CHRNA7: variants seen among roughly 807,000 people sequenced by gnomAD.
CHRNA7 encodes cholinergic receptor nicotinic alpha 7 subunit.
CHRNA7 carries 17 observed loss-of-function variants against 48.0 expected under a neutral mutation model. That is an observed-to-expected ratio of 0.35 (90% CI 0.24 to 0.53). The LOEUF is 0.53. CHRNA7 is among the 20% of genes least tolerant of loss of function. The probability of loss-of-function intolerance (pLI) is 0.92; values close to 1 mark genes in which losing one functional copy is unlikely to be tolerated. For synonymous variants in CHRNA7, 75 were observed against 242.3 expected (o/e 0.31, Z 6.41); for missense variants, 155 against 577.7 (o/e 0.27, Z 7.50).
At chr15:32,125,240 G>A (rs1566857691) in intron 4 of CHRNA7, among the ~76,000 whole-genome samples, 1 of 152,198 alleles carries the variant, frequency 6.6e-6, no homozygotes, top group East Asian at 1.9e-4. Context: ...GAAGTGAAAT[G>A]GAAAGAACAG....
intron 2 of CHRNA7, among the ~76,000 whole-genome samples, chr15:32,076,881 A>G (rs2050143699): frequency 6.6e-6 from 1 of 152,166 alleles, no homozygotes; most frequent in Non-Finnish European, 1.5e-5. Flanking sequence ...CCATTATAAT[A>G]TCATTCAGAA....
rs750840752 is a variant in CHRNA7, at chr15:32,030,575, C to T, written c.-20C>T. 11 of 1,498,912 alleles carry T rather than the reference C, an allele frequency of 7.3e-6. No homozygotes were observed. The highest frequency in any genetic ancestry group is 1.3e-5 in the South Asian group (1 of 79,826). The allele number at this position is 1,498,912 out of a possible 1,614,324, so 92.9% of individuals were successfully genotyped here. On this transcript the variant is annotated 5_prime_UTR_variant, in exon 1 of 10. Coordinates refer to ENST00000306901, the MANE Select transcript of CHRNA7 (RefSeq NM_000746.6). ...CCGAGACGTGGAGCGCGCCGGCTCG[C>T]TGCAGCTCCGGGACTCAACATGCGC...
At chr15:32,066,250 G>C (rs2049963961) in intron 2 of CHRNA7, among the ~76,000 whole-genome samples, 2 of 152,092 alleles carry the variant, frequency 1.3e-5, no homozygotes, top group Admixed American at 1.3e-4. Context: ...CCTAGGGTTG[G>C]AGGATATACT....
chr15:32,143,427 T>C (rs6494247), intron 4 of CHRNA7, among the ~76,000 whole-genome samples: 50,889 of 152,034 alleles, frequency 0.33, 8,801 homozygotes, highest in South Asian at 0.41. Context: ...TCTGTAGATA[T>C]CTATTAGGTT....
intron 2 of CHRNA7, among the ~76,000 whole-genome samples, chr15:32,085,099 G>T (rs1276428607): frequency 1.3e-5 from 2 of 152,112 alleles, no homozygotes; most frequent in African/African-American, 2.4e-5. Flanking sequence ...AAAGTGCTGG[G>T]ATTACAGGTG....
chr15:32,133,951 T>C (rs2051200133), intron 4 of CHRNA7, among the ~76,000 whole-genome samples: 1 of 152,234 alleles, frequency 6.6e-6, no homozygotes, highest in Non-Finnish European at 1.5e-5. Flanking sequence ...GCCATGAACA[T>C]GCTCTGCAGA....
At chr15:32,073,170 G>A (rs1338883990) in intron 2 of CHRNA7, among the ~76,000 whole-genome samples, 3 of 152,190 alleles carry the variant, frequency 2.0e-5, no homozygotes, top group African/African-American at 7.2e-5. Context: ...CAAGGCCTTG[G>A]GAGCTCACCT....
intron 2 of CHRNA7, among the ~76,000 whole-genome samples, chr15:32,095,822 A>C (rs1483957436): frequency 6.6e-6 from 1 of 152,232 alleles, no homozygotes; most frequent in Non-Finnish European, 1.5e-5. Flanking sequence ...ATTTTCCGTG[A>C]TCGTAATCAC....
At chr15:32,145,475 G>T (rs1377227423) in intron 4 of CHRNA7, among the ~76,000 whole-genome samples, 1 of 152,224 alleles carries the variant, frequency 6.6e-6, no homozygotes, top group Non-Finnish European at 1.5e-5. Context: ...AGATGTTTAA[G>T]TCTGCAGAAG....
At chr15:32,166,058 G>A (rs1488538705) in intron 9 of CHRNA7, 11 of 152,784 alleles carry the variant, frequency 7.2e-5, no homozygotes, top group African/African-American at 2.6e-4. Flanking sequence ...TGCCTTCCCA[G>A]AGGGGTGGGG....
At chr15:32,039,420 C>T (rs2049408331) in intron 2 of CHRNA7, among the ~76,000 whole-genome samples, 1 of 152,078 alleles carries the variant, frequency 6.6e-6, no homozygotes, top group Admixed American at 6.5e-5. Flanking sequence ...CGCTTAAGGA[C>T]TTCTTTTGCT....
intron 2 of CHRNA7, among the ~76,000 whole-genome samples, chr15:32,066,876 A>G (rs190807778): frequency 6.6e-6 from 1 of 152,288 alleles, no homozygotes; most frequent in Non-Finnish European, 1.5e-5. Context: ...TGGAGTTAAA[A>G]ATTCCAATAA....
intron 3 of CHRNA7, among the ~76,000 whole-genome samples, chr15:32,104,134 C>T (rs1257679182): frequency 2.0e-5 from 3 of 152,150 alleles, no homozygotes; most frequent in Non-Finnish European, 4.4e-5. Flanking sequence ...AGCATAGGAA[C>T]TGAAGTCCTC....
At chr15:32,030,677 C>T in intron 1 of CHRNA7, 28 bp downstream of exon 1, 1 of 1,562,974 alleles carries the variant, frequency 6.4e-7, no homozygotes. Context: ...CCGCCCTCCA[C>T]TCCTCCGTGG....
intron 3 of CHRNA7, among the ~76,000 whole-genome samples, chr15:32,110,496 T>C (rs1216769988): frequency 1.3e-5 from 2 of 152,178 alleles, no homozygotes; most frequent in East Asian, 3.9e-4. Flanking sequence ...CTCACCTGGA[T>C]AGTTCCTCTC....
intron 2 of CHRNA7, among the ~76,000 whole-genome samples, chr15:32,045,328 C>T (rs377606918): frequency 5.3e-5 from 8 of 152,026 alleles, no homozygotes; most frequent in African/African-American, 1.5e-4. Flanking sequence ...GATGAGAGAA[C>T]GGAGAACACT....
At chr15:32,144,749 G>A (rs1206285766) in intron 4 of CHRNA7, among the ~76,000 whole-genome samples, 4 of 152,164 alleles carry the variant, frequency 2.6e-5, no homozygotes, top group Admixed American at 1.3e-4. Context: ...TTCTCATGCT[G>A]TGGTTTTCAG....
chr15:32,051,169 C>G (rs552087325), intron 2 of CHRNA7, among the ~76,000 whole-genome samples: 6,831 of 148,190 alleles, frequency 0.046, 262 homozygotes, highest in Non-Finnish European at 0.066. Context: ...AACCACTGCT[C>G]TCCTTAAAGC....
chr15:32,030,639 G>A lies in CHRNA7; in HGVS notation c.45G>A (p.Ser15=), dbSNP rs200390587. ...PGGVWLALAA[S]LLHVSLQGEF... is the part of the protein sequence containing the mutation. ...GCGTCTGGCTGGCGCTGGCCGCGTC[G>A]CTCCTGCACGGTAAAGCCACTGCCT... is the stretch of plus-strand genomic sequence containing the variant. Residue 15 remains serine, a synonymous_variant, in exon 1 of 10, where the codon TCG becomes TCA. Transcript: ENST00000306901. The A allele has an allele frequency of 3.6e-4, 559 of 1,572,036 alleles. 4 individuals are homozygous for A. The highest frequency in any genetic ancestry group is 3.5e-3 in the Middle Eastern group (19 of 5,394).
Sources: allele counts gnomAD v4.1 joint callset (sites outside exome capture counted in the v4.1 genomes callset), GRCh38; gene constraint gnomAD v4.1.1; transcripts MANE v1.5; gene names NCBI Gene and HGNC (gene_info 2026-07-23, HGNC 2026-07-21).